Variants in KCND3 observed in about 807,000 individuals in gnomAD.
KCND3 encodes potassium voltage-gated channel subfamily D member 3.
A neutral mutation model predicts 51.1 loss-of-function variants in KCND3; 9 were observed. The observed-to-expected ratio is 0.18, with a 90% CI of 0.11 to 0.31. The LOEUF (loss-of-function observed/expected upper bound fraction) is 0.31, where lower values mean the gene tolerates loss of function less well. Among genes scored for constraint, KCND3 ranks in the 10% least tolerant of loss-of-function variants. The pLI is 1.00. For synonymous variants in KCND3, 349 were observed against 368.0 expected (o/e 0.95, Z 0.59); for missense variants, 526 against 903.8 (o/e 0.58, Z 5.36).
At chr1:111,972,322 G>A (rs374887880) in intron 2 of KCND3, among the ~76,000 whole-genome samples, 12 of 151,256 alleles carry the variant, frequency 7.9e-5, no homozygotes, top group Middle Eastern at 3.2e-3. Context: ...ACAGGCGCCC[G>A]CCACTACGCC....
At chr1:111,839,774 G>C (rs903115692) in intron 2 of KCND3, among the ~76,000 whole-genome samples, 1 of 152,266 alleles carries the variant, frequency 6.6e-6, no homozygotes, top group Non-Finnish European at 1.5e-5. Context: ...TGAGGTTAAA[G>C]AACTTGCCCA....
At chr1:111,895,517 TG>T (rs1185489197) in intron 2 of KCND3, among the ~76,000 whole-genome samples, 1 of 152,210 alleles carries the variant, frequency 6.6e-6, no homozygotes, top group African/African-American at 2.4e-5. Context: ...ACAGCCCGTG[TG>T]GGAGGACAGT....
chr1:111,792,629 C>A (rs1456212142), intron 2 of KCND3, among the ~76,000 whole-genome samples: 1 of 152,142 alleles, frequency 6.6e-6, no homozygotes, highest in African/African-American at 2.4e-5. Flanking sequence ...AGCTGGGTGA[C>A]CTTGGCCATG....
chr1:111,939,473 T>C (rs1465631156), intron 2 of KCND3, among the ~76,000 whole-genome samples: 2 of 152,122 alleles, frequency 1.3e-5, no homozygotes, highest in East Asian at 3.9e-4. Flanking sequence ...AGTGAGAACA[T>C]TCTGTGTTTG....
chr1:111,887,342 G>A (rs1426345645), intron 2 of KCND3, among the ~76,000 whole-genome samples: 1 of 152,138 alleles, frequency 6.6e-6, no homozygotes. Context: ...AGAGGGATGG[G>A]GAGAAGTTTC....
intron 2 of KCND3, among the ~76,000 whole-genome samples, chr1:111,846,418 T>TCTGCTGCTGCTGCTG (rs55653915): frequency 2.9e-4 from 43 of 150,828 alleles, no homozygotes; most frequent in East Asian, 1.4e-3. Context: ...CATGACACTC[T>TCTGCTGCTGCTGCTG]CTGCTGCTGC....
At chr1:111,980,891 T>C (rs1251573581) in intron 2 of KCND3, among the ~76,000 whole-genome samples, 1 of 152,188 alleles carries the variant, frequency 6.6e-6, no homozygotes, top group African/African-American at 2.4e-5. Context: ...TCTGATGATA[T>C]TGCTGCTTCT....
chr1:111,864,552 T>C (rs1272042872), intron 2 of KCND3, among the ~76,000 whole-genome samples: 1 of 152,252 alleles, frequency 6.6e-6, no homozygotes, highest in Non-Finnish European at 1.5e-5. Flanking sequence ...ACAAAGGATG[T>C]CCTTGCATGC....
intron 2 of KCND3, among the ~76,000 whole-genome samples, chr1:111,898,509 G>C (rs1198505153): frequency 6.6e-6 from 1 of 152,192 alleles, no homozygotes; most frequent in Non-Finnish European, 1.5e-5. Context: ...CAAGCTTCCT[G>C]AGGGCCAGAA....
intron 2 of KCND3, among the ~76,000 whole-genome samples, chr1:111,964,434 C>A (rs1205139921): frequency 7.7e-6 from 1 of 130,012 alleles, no homozygotes; most frequent in Non-Finnish European, 1.6e-5. Flanking sequence ...CCCCCGGCCC[C>A]CACAGCTCCT....
rs538856050 is a variant in KCND3, at chr1:111,830,649, A to G, written c.1107-43543T>C. On this transcript the variant is annotated intron_variant, in intron 2 of 7. Transcript: ENST00000302127. ...ATATACTACAAACAAAACCACAGAT[A>G]TCAACAGATTGAATGCAGATGCAGA... Among the ~76,000 whole-genome samples the G allele has an allele frequency of 8.5e-5, 13 of 152,360 alleles. No homozygotes were observed. In the East Asian group the frequency reaches 2.3e-3, roughly 27 times the overall value.
chr1:111,891,769 G>A (rs992459680), intron 2 of KCND3, among the ~76,000 whole-genome samples: 1 of 152,184 alleles, frequency 6.6e-6, no homozygotes, highest in African/African-American at 2.4e-5. Context: ...AATATTTGCT[G>A]AGTAAATGAA....
intron 2 of KCND3, among the ~76,000 whole-genome samples, chr1:111,939,043 A>T (rs143383674): frequency 0.013 from 1,966 of 152,298 alleles, 21 homozygotes; most frequent in South Asian, 0.018. Context: ...ATCACCAGGA[A>T]ACTTATTAGA....
At chr1:111,892,130 GA>G (rs1669859761) in intron 2 of KCND3, among the ~76,000 whole-genome samples, 1 of 152,214 alleles carries the variant, frequency 6.6e-6, no homozygotes, top group Non-Finnish European at 1.5e-5. Context: ...GGGGCAGCTG[GA>G]ACCTGAAGAA....
intron 2 of KCND3, among the ~76,000 whole-genome samples, chr1:111,971,409 T>G (rs2101962060): frequency 6.6e-6 from 1 of 152,178 alleles, no homozygotes; most frequent in Admixed American, 6.5e-5. Flanking sequence ...AAAGGGAATT[T>G]CCACAGGTGA....
At chr1:111,782,215 G>A (rs1664418879) in intron 3 of KCND3, among the ~76,000 whole-genome samples, 1 of 152,168 alleles carries the variant, frequency 6.6e-6, no homozygotes, top group South Asian at 2.1e-4. Flanking sequence ...ACAGTCTCAG[G>A]GGTTCAGGTG....
At chr1:111,913,525 C>G (rs566832446) in intron 2 of KCND3, among the ~76,000 whole-genome samples, 8 of 152,190 alleles carry the variant, frequency 5.3e-5, no homozygotes, top group Non-Finnish European at 1.2e-4. Flanking sequence ...ATTAACTTAA[C>G]TCTATACCAG....
At chr1:111,825,974 G>A in intron 2 of KCND3, among the ~76,000 whole-genome samples, 1 of 152,202 alleles carries the variant, frequency 6.6e-6, no homozygotes, top group East Asian at 1.9e-4. Context: ...CCAGCATTGG[G>A]TAGGGTACTC....
chr1:111,809,292 C>T (rs1220223930), intron 2 of KCND3, among the ~76,000 whole-genome samples: 1 of 146,830 alleles, frequency 6.8e-6, no homozygotes, highest in Non-Finnish European at 1.5e-5. Context: ...TCTGTTTCAA[C>T]AGCGGAAGAT....
Sources: gnomAD v4.1 joint callset for allele counts (sites outside exome capture counted in the v4.1 genomes callset) on GRCh38, gnomAD v4.1.1 for gene constraint, MANE v1.5 for transcripts, NCBI Gene and HGNC (gene_info 2026-07-23, HGNC 2026-07-21) for gene names.